PCDHA3: variants seen among roughly 807,000 people sequenced by gnomAD.
PCDHA3 encodes the protein protocadherin alpha-3.
A neutral mutation model predicts 62.2 loss-of-function variants in PCDHA3; 41 were observed. That is an observed-to-expected ratio of 0.66 (90% CI 0.51 to 0.86). PCDHA3 has a LOEUF of 0.86. Ranked by LOEUF, PCDHA3 falls within the 40% of genes least tolerant of loss-of-function variation. The pLI, the probability that PCDHA3 is intolerant of heterozygous loss-of-function variation, is 0.00. For missense variants in PCDHA3, 1,304 were observed against 1,241.2 expected (o/e 1.05, Z -0.76); for synonymous variants, 640 against 555.4 (o/e 1.15, Z -2.14).
intron 1 of PCDHA3, chr5:140,869,103 G>T: frequency 6.2e-7 from 1 of 1,600,312 alleles, no homozygotes; most frequent in Non-Finnish European, 8.5e-7. Context: ...TTTCGTATGC[G>T]ATGTTTGGTT....
intron 1 of PCDHA3, chr5:140,841,517 G>C (rs2150317250): frequency 6.2e-7 from 1 of 1,613,540 alleles, no homozygotes; most frequent in Non-Finnish European, 8.5e-7. Flanking sequence ...CCTGTTCCGG[G>C]TGGCGTCCAA....
At chr5:140,896,318 C>T (rs1036368074) in intron 1 of PCDHA3, among the ~76,000 whole-genome samples, 8 of 152,150 alleles carry the variant, frequency 5.3e-5, no homozygotes, top group African/African-American at 1.9e-4. Flanking sequence ...AACTGCTTTC[C>T]ACAGTGGCTA....
At chr5:140,823,477 C>T (rs2150126196) in intron 1 of PCDHA3, 1 of 1,613,436 alleles carries the variant, frequency 6.2e-7, no homozygotes, top group South Asian at 1.1e-5. Context: ...GCTGGTGCCT[C>T]GAGTGGGTGG....
At chr5:140,887,955 CT>C (rs2061644555) in intron 1 of PCDHA3, among the ~76,000 whole-genome samples, 1 of 152,088 alleles carries the variant, frequency 6.6e-6, no homozygotes, top group Non-Finnish European at 1.5e-5. Flanking sequence ...GTATAAGATT[CT>C]TTTTGTCTCT....
At chr5:140,865,089 T>C (rs1462427966) in intron 1 of PCDHA3, 2 of 152,250 alleles carry the variant, frequency 1.3e-5, no homozygotes, top group Admixed American at 1.3e-4. Context: ...GGGATATTAA[T>C]AAAGGCACTT....
In PCDHA3 at chr5:140,982,506, C is replaced by T. The variant is rs139355257; in HGVS notation, c.2485C>T (p.Arg829Trp). The change falls in exon 3 of 4, where the codon CGG (arginine) becomes TGG (tryptophan). Residue 829 changes from arginine to tryptophan, a missense_variant. Arg to Trp is a moderately radical substitution (Grantham distance 101). Coordinates refer to ENST00000522353, the MANE Select transcript of PCDHA3 (RefSeq NM_018906.3). ...GCACCTAGAGGAGGCTGGCATTCTACGGGCTGGTCCAGGAGGGCCTGATCA... is the reference window on the plus strand; with the variant it reads ...GCACCTAGAGGAGGCTGGCATTCTATGGGCTGGTCCAGGAGGGCCTGATCA... The part of the protein sequence containing the change: ...SVHLEEAGIL[R>W]AGPGGPDQQW... The T allele has an allele frequency of 3.5e-5, 57 of 1,614,162 alleles. No individual in the cohort carries two copies. Among genetic ancestry groups the T allele is most frequent in the Middle Eastern group, 3.3e-4 (2 of 6,058 alleles).
At chr5:140,830,447 G>GCGGAGAAT in intron 1 of PCDHA3, 1 of 1,601,744 alleles carries the variant, frequency 6.2e-7, no homozygotes, top group Middle Eastern at 1.7e-4. Flanking sequence ...GATGGGTAAG[G>GCGGAGAAT]CGGAGAATCA....
chr5:140,918,406 G>A (rs1382905411), intron 1 of PCDHA3, among the ~76,000 whole-genome samples: 2 of 152,076 alleles, frequency 1.3e-5, no homozygotes, highest in Non-Finnish European at 2.9e-5. Context: ...GATTTCTCTG[G>A]CCAGGACTTC....
intron 1 of PCDHA3, chr5:140,875,217 C>G (rs1554167556): frequency 2.7e-6 from 2 of 734,894 alleles, no homozygotes; most frequent in African/African-American, 3.5e-5. Flanking sequence ...CCGAAAAGAA[C>G]CTCAGGATCT....
chr5:140,971,902 T>G (rs1554233695), intron 1 of PCDHA3, among the ~76,000 whole-genome samples: 2 of 152,280 alleles, frequency 1.3e-5, no homozygotes, highest in Admixed American at 1.3e-4. Flanking sequence ...GGTTAGGTAA[T>G]CTACACAGCC....
intron 1 of PCDHA3, chr5:140,876,257 T>A (rs781806447): frequency 6.2e-7 from 1 of 1,614,000 alleles, no homozygotes; most frequent in Non-Finnish European, 8.5e-7. Context: ...ACAAGAGTGA[T>A]CCAACTAAAT....
intron 1 of PCDHA3, chr5:140,807,056 C>G (rs1055312239): frequency 1.9e-6 from 2 of 1,079,742 alleles, no homozygotes; most frequent in Admixed American, 2.3e-5. Flanking sequence ...TCTATTCTTA[C>G]TGGAAGGAAC....
chr5:140,809,421 T>TG, intron 1 of PCDHA3: 1 of 1,614,034 alleles, frequency 6.2e-7, no homozygotes, highest in East Asian at 2.2e-5. Flanking sequence ...TCCAGTGCGG[T>TG]GGGGAGCTGG....
At chr5:141,000,381 CTCTCTCTCTCTCTCTA>C (rs1443323474) in intron 3 of PCDHA3, among the ~76,000 whole-genome samples, 1 of 61,380 alleles carries the variant, frequency 1.6e-5, no homozygotes, top group African/African-American at 7.4e-5. Flanking sequence ...CTCTCTCTCT[CTCTCTCTCTCTCTCTA>C]TATATATATA....
chr5:140,804,302 C>T (rs1217838425), intron 1 of PCDHA3: 6 of 151,992 alleles, frequency 3.9e-5, no homozygotes, highest in African/African-American at 7.2e-5. Flanking sequence ...TAGTTTATCA[C>T]TACTTTATTT....
chr5:140,968,818 T>A, intron 1 of PCDHA3: 1 of 1,614,188 alleles, frequency 6.2e-7, no homozygotes, highest in South Asian at 1.1e-5. Context: ...TGGATAGGGT[T>A]TCCAAAATCC....
intron 1 of PCDHA3, chr5:140,822,029 T>C (rs1258715639): frequency 2.5e-6 from 4 of 1,614,166 alleles, no homozygotes; most frequent in Non-Finnish European, 3.4e-6. Flanking sequence ...ATTTTGTTTG[T>C]GAATTCTCGG....
At chr5:140,827,939 G>C (rs1769462392) in intron 1 of PCDHA3, 2 of 1,144,136 alleles carry the variant, frequency 1.7e-6, no homozygotes, top group South Asian at 3.1e-5. Flanking sequence ...GTTATAGCTA[G>C]CCAACATTCA....
Position 140,946,375 on chromosome 5 carries a change from G to A in PCDHA3, c.2395-32574G>A, listed in dbSNP as rs531638250. Among the ~76,000 whole-genome samples, 14 of 151,710 alleles carry A rather than the reference G, an allele frequency of 9.2e-5. No homozygotes were observed. In the South Asian group the frequency reaches 2.9e-3, roughly 32 times the overall value. On this transcript the variant is annotated intron_variant, in intron 1 of 3. Transcript: ENST00000522353. ...TGGAGAAAAGGGAACTCTTGCACACGGTTGGTAGGAATGTAAATTAGTACA... is the reference window on the plus strand; with the variant it reads ...TGGAGAAAAGGGAACTCTTGCACACAGTTGGTAGGAATGTAAATTAGTACA...
Sources: allele counts gnomAD v4.1 joint callset (sites outside exome capture counted in the v4.1 genomes callset), GRCh38; gene constraint gnomAD v4.1.1; transcripts MANE v1.5; gene names NCBI Gene and HGNC (gene_info 2026-07-23, HGNC 2026-07-21).